Variants in FBXW7 observed in about 807,000 individuals in gnomAD.
FBXW7 encodes F-box/WD repeat-containing protein 7.
In FBXW7, 11 loss-of-function variants were observed where a neutral mutation model predicts 86.3. That is an observed-to-expected ratio of 0.13 (90% CI 0.08 to 0.21). FBXW7 has a LOEUF of 0.21. Among genes scored for constraint, FBXW7 ranks in the 10% least tolerant of loss-of-function variants. The pLI is 1.00. For synonymous variants in FBXW7, 313 were observed against 297.9 expected (o/e 1.05, Z -0.52); for missense variants, 488 against 847.4 (o/e 0.58, Z 5.27).
intron 2 of FBXW7, among the ~76,000 whole-genome samples, chr4:152,471,057 T>C (rs572390781): frequency 6.6e-6 from 1 of 152,130 alleles, no homozygotes; most frequent in Admixed American, 6.5e-5. Flanking sequence ...TACTAGAAAT[T>C]ATAATATCAC....
chr4:152,368,923 C>T (rs1284384862), intron 4 of FBXW7, among the ~76,000 whole-genome samples: 1 of 151,958 alleles, frequency 6.6e-6, no homozygotes, highest in Non-Finnish European at 1.5e-5. Context: ...ATATGATAGT[C>T]GCACTGAATG....
Position 152,535,323 on chromosome 4 carries a change from A to C in FBXW7, c.-409T>G. 1 of 318,804 alleles carries C rather than the reference A, an allele frequency of 3.1e-6. No homozygotes were observed. Among genetic ancestry groups the C allele is most frequent in the Non-Finnish European group, 5.7e-6 (1 of 175,724 alleles). 19.7% of individuals were successfully genotyped at this position (318,804 alleles called of 1,614,324 possible). On this transcript the variant is annotated 5_prime_UTR_variant, in exon 1 of 14. An upstream open reading frame in the 5' UTR loses its in-frame stop. Transcript: ENST00000281708. ...GACTGGGGCGGGGGAGGGGGGCTCT[A>C]GGAACTCCTCCCGGAGTCCAGCCAA...
chr4:152,424,380 C>T (rs894662443), intron 2 of FBXW7, among the ~76,000 whole-genome samples: 2 of 152,062 alleles, frequency 1.3e-5, no homozygotes, highest in East Asian at 1.9e-4. Flanking sequence ...TAAAATGGTT[C>T]GAATATATTA....
At chr4:152,518,438 A>G (rs1235010620) in intron 2 of FBXW7, among the ~76,000 whole-genome samples, 1 of 152,154 alleles carries the variant, frequency 6.6e-6, no homozygotes, top group East Asian at 1.9e-4. Flanking sequence ...CTAGGACTAC[A>G]GGTGCACACC....
chr4:152,527,788 T>A (rs1482237672), intron 2 of FBXW7, among the ~76,000 whole-genome samples: 1 of 151,254 alleles, frequency 6.6e-6, no homozygotes, highest in African/African-American at 2.4e-5. Flanking sequence ...CTAAAAAAAA[T>A]AATTTTATAC....
chr4:152,359,262 T>C (rs1022351817), intron 4 of FBXW7, among the ~76,000 whole-genome samples: 2 of 151,944 alleles, frequency 1.3e-5, no homozygotes, highest in African/African-American at 4.8e-5. Flanking sequence ...ACAAAAACAT[T>C]GCAATTACCT....
At chr4:152,466,770 A>G (rs150636192) in intron 2 of FBXW7, among the ~76,000 whole-genome samples, 4,654 of 151,862 alleles carry the variant, frequency 0.031, 116 homozygotes, top group African/African-American at 0.061. Context: ...GTGACATGCC[A>G]TCTCTACTAA....
chr4:152,459,812 T>C (rs1175466005), intron 2 of FBXW7, among the ~76,000 whole-genome samples: 5 of 152,194 alleles, frequency 3.3e-5, no homozygotes, highest in Non-Finnish European at 5.9e-5. Flanking sequence ...ATGAATGTGG[T>C]CTCTCAAAAC....
intron 2 of FBXW7, among the ~76,000 whole-genome samples, chr4:152,426,641 G>C (rs1343038483): frequency 3.3e-5 from 5 of 152,128 alleles, no homozygotes; most frequent in Non-Finnish European, 5.9e-5. Context: ...CCTGTAACAG[G>C]GGGATCCCCC....
In FBXW7 at chr4:152,330,846, G is replaced by T. The variant is rs1046708929; in HGVS notation, c.1008C>A (p.Ile336=). The T allele has an allele frequency of 5.0e-6, 8 of 1,611,912 alleles. No homozygotes were observed. Among genetic ancestry groups the T allele is most frequent in the Non-Finnish European group, 6.8e-6 (8 of 1,178,590 alleles). Residue 336 remains isoleucine, a synonymous_variant, in exon 9 of 14, where the codon ATC becomes ATA. Coordinates refer to ENST00000281708, the MANE Select transcript of FBXW7 (RefSeq NM_001349798.2). ...CTGGTTTTATTACTTTTCTTCTCTT[G>T]ATGTGCAATGGTTCATCAATCCCTA... ...KEEGIDEPLH[I]KRRKVIKPGF...
chr4:152,512,249 A>G (rs939217283), intron 2 of FBXW7, among the ~76,000 whole-genome samples: 1 of 152,224 alleles, frequency 6.6e-6, no homozygotes, highest in South Asian at 2.1e-4. Flanking sequence ...TATTGTCTAC[A>G]TAATTTTATA....
intron 2 of FBXW7, among the ~76,000 whole-genome samples, chr4:152,467,587 A>G (rs1487655269): frequency 1.3e-5 from 2 of 152,228 alleles, no homozygotes; most frequent in African/African-American, 4.8e-5. Flanking sequence ...AACACATGGG[A>G]TCAAAACGTA....
intron 4 of FBXW7, among the ~76,000 whole-genome samples, chr4:152,369,089 A>T (rs1235386430): frequency 6.6e-6 from 1 of 152,132 alleles, no homozygotes; most frequent in Non-Finnish European, 1.5e-5. Flanking sequence ...AGAAACTAAA[A>T]ATGAAAAAAA....
chr4:152,444,248 T>C (rs1034926771), intron 2 of FBXW7, among the ~76,000 whole-genome samples: 11 of 152,242 alleles, frequency 7.2e-5, no homozygotes, highest in African/African-American at 2.7e-4. Context: ...CATTAAATCA[T>C]GAGCACTTTC....
At chr4:152,521,123 G>C (rs1279516041) in intron 2 of FBXW7, among the ~76,000 whole-genome samples, 1 of 152,100 alleles carries the variant, frequency 6.6e-6, no homozygotes, top group Non-Finnish European at 1.5e-5. Flanking sequence ...TAGGTACTTG[G>C]GGGAGCAGGT....
At chr4:152,517,191 G>T (rs1217373217) in intron 2 of FBXW7, among the ~76,000 whole-genome samples, 4 of 151,980 alleles carry the variant, frequency 2.6e-5, no homozygotes, top group African/African-American at 9.7e-5. Context: ...CCATTTCTAA[G>T]GAAGTGTAAA....
intron 2 of FBXW7, among the ~76,000 whole-genome samples, chr4:152,466,433 T>C (rs1007889432): frequency 2.0e-5 from 3 of 151,784 alleles, no homozygotes; most frequent in Admixed American, 6.6e-5. Context: ...CACATGCCTG[T>C]AATCGCAGCT....
chr4:152,513,143 G>A (rs973121488), intron 2 of FBXW7, among the ~76,000 whole-genome samples: 7 of 152,204 alleles, frequency 4.6e-5, no homozygotes, highest in African/African-American at 1.7e-4. Flanking sequence ...ACAGGCATGA[G>A]CCATTGCGCC....
intron 4 of FBXW7, among the ~76,000 whole-genome samples, chr4:152,384,722 A>G (rs1231173309): frequency 6.6e-6 from 1 of 152,072 alleles, no homozygotes; most frequent in African/African-American, 2.4e-5. Flanking sequence ...TTTTTAAACA[A>G]AAAAGTAAAT....
Sources: allele counts gnomAD v4.1 joint callset (sites outside exome capture counted in the v4.1 genomes callset), GRCh38; gene constraint gnomAD v4.1.1; transcripts MANE v1.5; gene names NCBI Gene and HGNC (gene_info 2026-07-23, HGNC 2026-07-21).